The following CCDC88C variants were observed in gnomAD, a reference collection of about 807,000 sequenced individuals.
CCDC88C encodes the protein protein Daple.
A neutral mutation model predicts 198.8 loss-of-function variants in CCDC88C; 131 were observed. The ratio of observed to expected loss-of-function variants is 0.66; its 90% CI spans 0.57 to 0.76. CCDC88C has a LOEUF of 0.76. CCDC88C is among the 30% of genes least tolerant of loss of function. The probability of loss-of-function intolerance (pLI) is 0.00; values close to 1 mark genes in which losing one functional copy is unlikely to be tolerated. For missense variants in CCDC88C, 2,553 were observed against 2,631.6 expected, an observed-to-expected ratio of 0.97 and a Z score of 0.65; for synonymous variants, 1,166 against 1,114.7, an observed-to-expected ratio of 1.05 and a Z score of -0.92.
chr14:91,321,561 A>G (rs1412001605), intron 12 of CCDC88C, among the ~76,000 whole-genome samples: 1 of 152,210 alleles, frequency 6.6e-6, no homozygotes, highest in African/African-American at 2.4e-5. Context: ...CCAGGAGCCA[A>G]TGCAAGGGCT....
intron 23 of CCDC88C, among the ~76,000 whole-genome samples, chr14:91,292,409 A>G (rs1255621253): frequency 1.3e-5 from 2 of 152,174 alleles, no homozygotes; most frequent in Non-Finnish European, 2.9e-5. Context: ...TCCAGTTAGC[A>G]CCTGCCCAAC....
chr14:91,285,407 T>A (rs1311172820), intron 25 of CCDC88C: 1 of 455,384 alleles, frequency 2.2e-6, no homozygotes, highest in East Asian at 7.0e-5. Flanking sequence ...AGTACGGACA[T>A]CCTGGCCCAA....
chr14:91,281,633 G>A (rs1596017965), intron 26 of CCDC88C, 108 bp from the exon 27 acceptor site: 2 of 925,974 alleles, frequency 2.2e-6, no homozygotes, highest in East Asian at 2.6e-5. Flanking sequence ...CAGCTCTTGG[G>A]GATGAGGGAA....
At chr14:91,324,175 C>T (rs1437079224) in intron 12 of CCDC88C, among the ~76,000 whole-genome samples, 5 of 152,320 alleles carry the variant, frequency 3.3e-5, no homozygotes, top group South Asian at 4.1e-4. Context: ...AGTGCGGCCC[C>T]GCCCACGCTT....
chr14:91,286,407 TAA>T (rs1013932404), intron 25 of CCDC88C, among the ~76,000 whole-genome samples: 1 of 151,984 alleles, frequency 6.6e-6, no homozygotes, highest in Non-Finnish European at 1.5e-5. Flanking sequence ...CTTTGCATAC[TAA>T]AAAAAACCCT....
In CCDC88C at chr14:91,313,853, C is replaced by T. The variant is rs761504697; in HGVS notation, c.1963G>A (p.Glu655Lys). ...GCCTCGACTTTCTCGGTGGCTGTCT[C>T]CAGGGAGGTCACCTTCCTGGCCAGC... Reference protein sequence around the residue: ...GRLARKVTSLETATEKVEALE... With the variant: ...GRLARKVTSLKTATEKVEALE... The change falls in exon 15 of 30, where the codon GAG becomes AAG. Residue 655 changes from glutamate to lysine, a missense_variant. Physicochemically the swap from Glu to Lys is moderately conservative, Grantham distance 56. This residue lies in a region of CCDC88C where 1,260 missense variants were observed against 1,412.0 expected (regional missense o/e 0.89). Coordinates refer to ENST00000389857, the MANE Select transcript of CCDC88C (RefSeq NM_001080414.4). The surrounding 1 kb of genome is among the most constrained non-coding windows in gnomAD (Gnocchi z 5.2). 4.4e-6 allele frequency: 7 copies of T among 1,604,548 alleles called. No individual in the cohort carries two copies. Among genetic ancestry groups the T allele is most frequent in the Non-Finnish European group, 5.9e-6 (7 of 1,177,162 alleles).
rs151259848 is a variant in CCDC88C, at chr14:91,301,573, C to T, written c.3636-1503G>A. The stretch of plus-strand genomic sequence containing the variant: ...TCTACTAAAAAATACAAAAATTAGC[C>T]GGGTGTGGTGGTGCATGCCTGTAGT... On this transcript the variant is annotated intron_variant, in intron 20 of 29. Coordinates refer to ENST00000389857, the MANE Select transcript of CCDC88C (RefSeq NM_001080414.4). Among the ~76,000 whole-genome samples the T allele has an allele frequency of 2.0e-3, 306 of 152,184 alleles. 1 individual carries two copies. Among genetic ancestry groups the T allele is most frequent in the African/African-American group, 7.0e-3 (289 of 41,538 alleles).
chr14:91,331,507 A>G (rs1892824268), intron 10 of CCDC88C, among the ~76,000 whole-genome samples: 1 of 152,130 alleles, frequency 6.6e-6, no homozygotes, highest in Non-Finnish European at 1.5e-5. Flanking sequence ...GGTGGGGTGG[A>G]GAGTGTGCAT....
intron 3 of CCDC88C, among the ~76,000 whole-genome samples, chr14:91,360,084 T>A (rs1378575146): frequency 1.3e-5 from 2 of 152,196 alleles, no homozygotes; most frequent in Non-Finnish European, 2.9e-5. Context: ...GTTTCTTTTT[T>A]AAAAGATACC....
intron 3 of CCDC88C, among the ~76,000 whole-genome samples, chr14:91,364,932 C>T (rs1381213686): frequency 1.3e-5 from 2 of 152,192 alleles, no homozygotes; most frequent in African/African-American, 4.8e-5. Flanking sequence ...ACACAGGATA[C>T]AGGTGTCCCA....
At chr14:91,403,321 G>A (rs1174799906) in intron 3 of CCDC88C, among the ~76,000 whole-genome samples, 2 of 152,226 alleles carry the variant, frequency 1.3e-5, no homozygotes, top group East Asian at 3.9e-4. Context: ...AACACACAGG[G>A]AATGTATCCA....
At position 91,278,092 on chromosome 14, in the gene CCDC88C, G is replaced by C. The variant is rs373021847; in HGVS notation, c.4888C>G (p.Arg1630Gly). 1.2e-6 allele frequency: 2 copies of C among 1,612,616 alleles called. No homozygotes were observed. Residue 1630 changes from arginine (R) to glycine (G), a missense_variant, in exon 29 of 30, where the codon CGC (arginine) becomes GGC (glycine). Transcript: ENST00000389857. ...TTCCGAGGCAAGGGGTACTCGTGGC[G>C]GCCGAGGGCGTTGCGTCCCGGTGTG... ...ASTPGRNALG[R>G]HEYPLPRNGP...
In CCDC88C at chr14:91,292,946, C is replaced by T. The variant is rs551874773; in HGVS notation, c.4112+1227G>A. ...GGACATGGAAGCTACCACAGCTGAG[C>T]GCCCACCTCCTTTTCCAGCCTTCTC... is the stretch of plus-strand genomic sequence containing the variant. On this transcript the variant is annotated intron_variant, in intron 23 of 29. Coordinates refer to ENST00000389857, the MANE Select transcript of CCDC88C (RefSeq NM_001080414.4). Among the ~76,000 whole-genome samples the T allele has an allele frequency of 5.3e-5, 8 of 152,086 alleles. No homozygotes were observed. In the East Asian group the frequency reaches 1.4e-3, roughly 26 times the overall value.
At chr14:91,385,960 C>G (rs763301933) in intron 3 of CCDC88C, among the ~76,000 whole-genome samples, 18 of 152,172 alleles carry the variant, frequency 1.2e-4, no homozygotes, top group Non-Finnish European at 2.2e-4. Flanking sequence ...GGGCCAGGAG[C>G]AGAATGGCCT....
intron 3 of CCDC88C, among the ~76,000 whole-genome samples, chr14:91,374,515 G>A (rs1336717690): frequency 2.6e-5 from 4 of 152,212 alleles, no homozygotes; most frequent in African/African-American, 9.7e-5. Flanking sequence ...GGCCCTCGAT[G>A]AATCGTCAGC....
chr14:91,289,400 T>C (rs991902863), intron 24 of CCDC88C, 57 bp from the exon 25 acceptor site: 71 of 1,425,952 alleles, frequency 5.0e-5, no homozygotes, highest in Non-Finnish European at 6.9e-5. Flanking sequence ...CCCCAGTGGG[T>C]CCCTGGTTCC....
intron 3 of CCDC88C, among the ~76,000 whole-genome samples, chr14:91,401,344 A>ATG (rs1379027305): frequency 1.6e-5 from 2 of 125,572 alleles, no homozygotes; most frequent in Non-Finnish European, 3.5e-5. Flanking sequence ...ATATATATAT[A>ATG]TATTTTTTGA....
rs368039759 is a variant in CCDC88C, at chr14:91,359,803, C to T, written c.271-92G>A. 38 of 1,143,296 alleles carry T rather than the reference C, an allele frequency of 3.3e-5. No individual in the cohort carries two copies. The African/African-American group carries it at 3.4e-4, about 10-fold the overall frequency. The allele number at this position is 1,143,296 out of a possible 1,614,324, so 70.8% of individuals were successfully genotyped here. A position where few individuals can be genotyped will look rare whatever the true frequency, so the allele number is the denominator to read the frequency against. On this transcript the variant is annotated intron_variant, in intron 3 of 29. Coordinates refer to ENST00000389857, the MANE Select transcript of CCDC88C (RefSeq NM_001080414.4). The stretch of plus-strand genomic sequence containing the variant: ...AATTACAAGTAATGAAGCCCCCGGA[C>T]GGGTGCACAGCCATCCCGTGGTGAC...
At position 91,310,005 on chromosome 14, in the gene CCDC88C, A is replaced by G. The variant is rs1891747348; in HGVS notation, c.2737-19T>C. 2 of 1,571,706 alleles carry G rather than the reference A, an allele frequency of 1.3e-6. No homozygotes were observed. Among genetic ancestry groups the G allele is most frequent in the Non-Finnish European group, 1.7e-6 (2 of 1,157,336 alleles). On this transcript the variant is annotated intron_variant, in intron 15 of 29. Coordinates refer to ENST00000389857, the MANE Select transcript of CCDC88C (RefSeq NM_001080414.4). ...CCAGGTCCTGGAATGATGGGGAGAG[A>G]GCACTGGATAGGAGCTCAGCAAAAC... is the stretch of plus-strand genomic sequence containing the variant.
Sources: gnomAD v4.1 joint callset for allele counts (sites outside exome capture counted in the v4.1 genomes callset) on GRCh38, gnomAD v4.1.1 for gene constraint, gnomAD v4.1.1 regional missense constraint, Gnocchi (gnomAD v3.1) non-coding constraint, MANE v1.5 for transcripts, NCBI Gene and HGNC (gene_info 2026-07-23, HGNC 2026-07-21) for gene names.